PCDHGA3: variants seen among roughly 807,000 people sequenced by gnomAD.
PCDHGA3 encodes the protein protocadherin gamma subfamily A, 3.
A neutral mutation model predicts 58.5 loss-of-function variants in PCDHGA3; 40 were observed. That is an observed-to-expected ratio of 0.68 (90% CI 0.53 to 0.89). The LOEUF is 0.89. Ranked by LOEUF, PCDHGA3 falls within the 40% of genes least tolerant of loss-of-function variation. The pLI, the probability that PCDHGA3 is intolerant of heterozygous loss-of-function variation, is 0.00. For synonymous variants in PCDHGA3, 530 were observed against 525.7 expected (o/e 1.01, Z -0.11); for missense variants, 1,223 against 1,195.9 (o/e 1.02, Z -0.33).
chr5:141,476,843 G>A lies in PCDHGA3; in HGVS notation c.2425-17964G>A, dbSNP rs2099399765. On this transcript the variant is annotated intron_variant, in intron 1 of 3. Transcript: ENST00000253812. The surrounding 1 kb of genome is among the most constrained non-coding windows in gnomAD (Gnocchi z 7.6). ...GCTGGACGCGAATGACAATGCGCCT[G>A]TCTTCAACCAGTCCTTGTACCGGGC... 1 of 1,613,706 alleles carries A rather than the reference G, an allele frequency of 6.2e-7. No individual in the cohort carries two copies. Among genetic ancestry groups the A allele is most frequent in the Non-Finnish European group, 8.5e-7 (1 of 1,180,046 alleles).
At chr5:141,386,929 A>G (rs1329848875) in intron 1 of PCDHGA3, among the ~76,000 whole-genome samples, 1 of 152,216 alleles carries the variant, frequency 6.6e-6, no homozygotes, top group Non-Finnish European at 1.5e-5. Context: ...AAATAAGTGC[A>G]GAGGTAGGAA....
intron 1 of PCDHGA3, chr5:141,422,834 G>A (rs1450583869): frequency 3.1e-6 from 5 of 1,614,230 alleles, no homozygotes; most frequent in East Asian, 2.2e-5. Context: ...GTGATAGCAC[G>A]TGACAGCGGG....
rs61612330 is a variant in PCDHGA3, at chr5:141,454,796, A to ATTTTTTTTTTTTTTTTTTTTTTT, written c.2425-40004_2425-39982dup. Among the ~76,000 whole-genome samples, 6 of 77,456 alleles carry ATTTTTTTTTTTTTTTTTTTTTTT rather than the reference A, an allele frequency of 7.7e-5. 1 individual carries two copies. The highest frequency in any genetic ancestry group is 8.0e-4 in the East Asian group (2 of 2,512). 50.8% of individuals were successfully genotyped at this position (77,456 alleles called of 152,430 possible). Reference sequence around the variant, plus strand: ...AAGGAAATAATCCTCCATGGTTCTAATTTTTTTTTTTTTTTTTTTTTTTTT... The same window carrying ATTTTTTTTTTTTTTTTTTTTTTT: ...AAGGAAATAATCCTCCATGGTTCTAATTTTTTTTTTTTTTTTTTTTTTTTTTTTTTTTTTTTTTTTTTTTTTTT... On this transcript the variant is annotated intron_variant, in intron 1 of 3. Transcript: ENST00000253812.
chr5:141,345,772 G>T lies in PCDHGA3; in HGVS notation c.1739G>T (p.Arg580Leu), dbSNP rs4042102. 129 of 1,614,082 alleles carry T rather than the reference G, an allele frequency of 8.0e-5. 1 individual carries two copies. The highest frequency in any genetic ancestry group is 5.3e-4 in the African/African-American group (40 of 75,030). The part of the protein sequence containing the change: ...DGSTGVELAP[R>L]SAEPGYLVTK... ...TCCACTGGCGTGGAGCTGGCGCCTC[G>T]CTCCGCAGAGCCCGGCTACCTGGTG... The change falls in exon 1 of 4, where the codon CGC becomes CTC. Residue 580 changes from arginine (R) to leucine (L), a missense_variant. This residue lies in a region of PCDHGA3 where 107 missense variants were observed against 159.8 expected (regional missense o/e 0.67). Coordinates refer to ENST00000253812, the MANE Select transcript of PCDHGA3 (RefSeq NM_018916.4).
At chr5:141,403,291 A>C in intron 1 of PCDHGA3, 1 of 1,613,918 alleles carries the variant, frequency 6.2e-7, no homozygotes, top group Non-Finnish European at 8.5e-7. Flanking sequence ...TTGAAGACAG[A>C]GTGAAACTGT....
chr5:141,497,954 G>A (rs1203635313), intron 2 of PCDHGA3, among the ~76,000 whole-genome samples: 7 of 152,198 alleles, frequency 4.6e-5, no homozygotes, highest in Non-Finnish European at 1.5e-5. Context: ...CTTTCTGTTG[G>A]CCAGGCAGTG....
At chr5:141,412,216 T>C (rs1247540521) in intron 1 of PCDHGA3, 1 of 152,244 alleles carries the variant, frequency 6.6e-6, no homozygotes, top group East Asian at 1.9e-4. Context: ...ACATAAACAC[T>C]TACTTGTTAA....
chr5:141,422,397 C>T (rs753017439), intron 1 of PCDHGA3: 4 of 1,597,606 alleles, frequency 2.5e-6, no homozygotes, highest in East Asian at 4.5e-5. Context: ...TTCCTAACCA[C>T]CTGCCTTTTA....
chr5:141,498,656 G>A (rs2154592341), intron 2 of PCDHGA3, among the ~76,000 whole-genome samples: 1 of 152,336 alleles, frequency 6.6e-6, no homozygotes, highest in Non-Finnish European at 1.5e-5. Context: ...ACCTGGCCAG[G>A]TGTGGTGGCT....
chr5:141,429,421 C>T (rs1223756901), intron 1 of PCDHGA3, among the ~76,000 whole-genome samples: 1 of 151,486 alleles, frequency 6.6e-6, no homozygotes, highest in Non-Finnish European at 1.5e-5. Context: ...CATTATGTTG[C>T]CCAGGCTGGA....
intron 1 of PCDHGA3, chr5:141,404,795 G>A (rs769293241): frequency 5.0e-6 from 8 of 1,613,924 alleles, no homozygotes; most frequent in Admixed American, 1.7e-5. Flanking sequence ...CAGTGAGCCA[G>A]GGCTCTTCTC....
rs759041753 is a variant in PCDHGA3 at position 141,388,806 on chromosome 5, G to A, written c.2424+42349G>A. 32 of 1,613,842 alleles carry A rather than the reference G, an allele frequency of 2.0e-5. No individual in the cohort carries two copies. Among genetic ancestry groups the A allele is most frequent in the Non-Finnish European group, 2.5e-5 (29 of 1,179,864 alleles). On this transcript the variant is annotated intron_variant, in intron 1 of 3. Coordinates refer to ENST00000253812, the MANE Select transcript of PCDHGA3 (RefSeq NM_018916.4). Reference sequence around the variant, plus strand: ...TACTGTTTTAAATACATTAGATTTTGAAGAAGTCAAAGAATATTCCATAGT... The same window carrying A: ...TACTGTTTTAAATACATTAGATTTTAAAGAAGTCAAAGAATATTCCATAGT...
intron 1 of PCDHGA3, among the ~76,000 whole-genome samples, chr5:141,369,377 G>T (rs1257760111): frequency 6.6e-6 from 1 of 152,152 alleles, no homozygotes; most frequent in Non-Finnish European, 1.5e-5. Flanking sequence ...CTTTGTAAAA[G>T]TTTTTCATTT....
At position 141,345,595 on chromosome 5, in the gene PCDHGA3, A is replaced by G. The variant is rs1430637880; in HGVS notation, c.1562A>G (p.Asp521Gly). 1 of 1,614,034 alleles carries G rather than the reference A, an allele frequency of 6.2e-7. No homozygotes were observed. The highest frequency in any genetic ancestry group is 1.3e-5 in the African/African-American group (1 of 74,890). ...TGVLYALRSF[D>G]YEQFRDLKLL... ...GTCCTATACGCGCTGAGATCCTTCG[A>G]CTACGAGCAATTTAGAGACTTAAAG... The change falls in exon 1 of 4, where the codon GAC (aspartate) becomes GGC (glycine). Residue 521 changes from aspartate (D) to glycine (G), a missense_variant. Asp to Gly is a moderately conservative substitution (Grantham distance 94, BLOSUM62 -1). This residue lies in a region of PCDHGA3 where 791 missense variants were observed against 708.5 expected (regional missense o/e 1.12). Coordinates refer to ENST00000253812, the MANE Select transcript of PCDHGA3 (RefSeq NM_018916.4).
intron 1 of PCDHGA3, chr5:141,395,493 A>T: frequency 2.0e-6 from 1 of 490,474 alleles, no homozygotes; most frequent in Non-Finnish European, 3.5e-6. Context: ...ATTATCACTC[A>T]TTCACTTAAG....
chr5:141,375,257 T>C, intron 1 of PCDHGA3: 1 of 1,613,890 alleles, frequency 6.2e-7, no homozygotes, highest in Middle Eastern at 1.6e-4. Flanking sequence ...AAGTCTCCCA[T>C]TTGAATTGGA....
At chr5:141,370,410 G>A in intron 1 of PCDHGA3, 1 of 1,565,394 alleles carries the variant, frequency 6.4e-7, no homozygotes. Flanking sequence ...AAATAGCTCC[G>A]GATGGAGGGG....
At chr5:141,481,913 CAAA>C (rs34114744) in intron 1 of PCDHGA3, among the ~76,000 whole-genome samples, 50 of 90,788 alleles carry the variant, frequency 5.5e-4, no homozygotes, top group African/African-American at 7.1e-4. Flanking sequence ...AACTCCATCT[CAAA>C]AAAAAAAAAA....
At chr5:141,409,798 G>T (rs2095317053) in intron 1 of PCDHGA3, 1 of 1,611,672 alleles carries the variant, frequency 6.2e-7, no homozygotes, top group South Asian at 1.1e-5. Context: ...CGCTCACGCT[G>T]CAGGCCCGCG....
Sources: allele counts gnomAD v4.1 joint callset (sites outside exome capture counted in the v4.1 genomes callset), GRCh38; gene constraint gnomAD v4.1.1; regional missense constraint gnomAD v4.1.1; non-coding constraint Gnocchi (gnomAD v3.1); transcripts MANE v1.5; gene names NCBI Gene and HGNC (gene_info 2026-07-23, HGNC 2026-07-21).